The following SYCP2 variants were observed in gnomAD, a reference collection of about 807,000 sequenced individuals.
The protein encoded by SYCP2 is synaptonemal complex protein 2.
SYCP2 carries 55 observed loss-of-function variants against 211.3 expected under a neutral mutation model. The observed-to-expected ratio is 0.26, with a 90% CI of 0.21 to 0.33. The LOEUF is 0.33. SYCP2 is among the 10% of genes least tolerant of loss of function. The pLI, the probability that SYCP2 is intolerant of heterozygous loss-of-function variation, is 1.00. For synonymous variants in SYCP2, 570 were observed against 555.2 expected (o/e 1.03, Z -0.37); for missense variants, 1,731 against 1,752.0 (o/e 0.99, Z 0.21).
intron 42 of SYCP2, 72 bp from the exon 43 acceptor site, chr20:59,865,723 TATA>T (rs2059318830): frequency 9.3e-7 from 1 of 1,071,082 alleles, no homozygotes; most frequent in Admixed American, 3.0e-5. Flanking sequence ...ATATAGTATA[TATA>T]ATTTTAATTT....
At chr20:59,894,294 C>T (rs1248444470) in intron 20 of SYCP2, among the ~76,000 whole-genome samples, 1 of 151,954 alleles carries the variant, frequency 6.6e-6, no homozygotes, top group African/African-American at 2.4e-5. Flanking sequence ...GTCACAATGA[C>T]AGAGGGGTTC....
chr20:59,916,377 T>C (rs1292792006), intron 8 of SYCP2, 109 bp downstream of exon 8: 1 of 655,962 alleles, frequency 1.5e-6, no homozygotes, highest in Non-Finnish European at 2.7e-6. Context: ...AGAAATATAC[T>C]CCAAGCTAAG....
chr20:59,893,287 T>A (rs1470552146), intron 21 of SYCP2, 88 bp from the exon 22 acceptor site: 1 of 925,034 alleles, frequency 1.1e-6, no homozygotes, highest in East Asian at 2.6e-5. Context: ...CTATAAAGGT[T>A]CACATATTGG....
chr20:59,899,274 CA>C (rs1003607473), intron 18 of SYCP2, among the ~76,000 whole-genome samples: 7 of 150,840 alleles, frequency 4.6e-5, no homozygotes, highest in East Asian at 1.9e-4. Context: ...AGCATATTGC[CA>C]AAAAAAATGA....
chr20:59,883,766 A>G (rs2059732290), intron 26 of SYCP2, among the ~76,000 whole-genome samples: 1 of 152,082 alleles, frequency 6.6e-6, no homozygotes, highest in Non-Finnish European at 1.5e-5. Context: ...GAATAAGTCT[A>G]GAGATATAAT....
At chr20:59,864,637 T>A (rs1404510942) in intron 44 of SYCP2, among the ~76,000 whole-genome samples, 1 of 151,988 alleles carries the variant, frequency 6.6e-6, no homozygotes, top group Non-Finnish European at 1.5e-5. Context: ...AAATTTAGAT[T>A]CAATTTTTAA....
chr20:59,899,953 T>C, intron 18 of SYCP2, 185 bp downstream of exon 18: 1 of 637,292 alleles, frequency 1.6e-6, no homozygotes, highest in Non-Finnish European at 2.7e-6. Flanking sequence ...CCTATACATG[T>C]ACACAATTTG....
chr20:59,896,505 T>C lies in SYCP2; in HGVS notation c.1428A>G (p.Lys476=). ...QLEKTTPSKR[K]MSEASMIVSG... is the part of the protein sequence containing the mutation. ...AAACAATCATTGATGCTTCAGACAT[T>C]TTTCTTTTGCTAGGAGTAGTTTTCT... The change falls in exon 19 of 45, where the codon AAA becomes AAG. Residue 476 remains lysine, a synonymous_variant. Transcript: ENST00000357552. The C allele has an allele frequency of 1.2e-6, 2 of 1,609,714 alleles. No homozygotes were observed. Among genetic ancestry groups the C allele is most frequent in the Non-Finnish European group, 1.7e-6 (2 of 1,177,096 alleles).
Position 59,919,603 on chromosome 20 carries a change from A to C in SYCP2, c.298-6T>G, listed in dbSNP as rs771474557. 1 of 1,558,956 alleles carries C rather than the reference A, an allele frequency of 6.4e-7. No homozygotes were observed. The highest frequency in any genetic ancestry group is 1.7e-5 in the Admixed American group (1 of 57,834). On this transcript the variant is annotated splice_polypyrimidine_tract_variant and splice_region_variant and intron_variant, in intron 5 of 44. Coordinates refer to ENST00000357552, the MANE Select transcript of SYCP2 (RefSeq NM_014258.4). ...TTTTCAAACCAGGCAACCATGTAAA[A>C]AAAGGAATGAACTTATTAGAGTTCC...
chr20:59,917,569 GACT>G (rs956419909), intron 7 of SYCP2, among the ~76,000 whole-genome samples: 4 of 152,110 alleles, frequency 2.6e-5, no homozygotes, highest in African/African-American at 9.7e-5. Context: ...TAAAAATTTA[GACT>G]ACATTGTTAT....
chr20:59,864,000 T>C lies in SYCP2; in HGVS notation c.*311A>G, dbSNP rs1164580204. ...ACACATTTTATGTAATAATACATTT[T>C]ACACAATAAAATTTAATTTATTAAA... On this transcript the variant is annotated 3_prime_UTR_variant, in exon 45 of 45. Coordinates refer to ENST00000357552, the MANE Select transcript of SYCP2 (RefSeq NM_014258.4). The C allele has an allele frequency of 4.7e-5, 8 of 171,314 alleles. No individual in the cohort carries two copies. In the Admixed American group the frequency reaches 5.0e-4, roughly 11 times the overall value. 10.6% of individuals were successfully genotyped at this position (171,314 alleles called of 1,614,324 possible).
At chr20:59,891,473 T>C (rs558785119) in intron 24 of SYCP2, among the ~76,000 whole-genome samples, 3 of 151,934 alleles carry the variant, frequency 2.0e-5, no homozygotes, top group South Asian at 2.1e-4. Flanking sequence ...ACAGTTACAA[T>C]AGAAGACAGT....
Position 59,873,902 on chromosome 20 carries a change from A to G in SYCP2, c.3509T>C (p.Leu1170Pro). Reference protein sequence around the residue: ...KSPKNNEKNFLCASESCSPIP... With the variant: ...KSPKNNEKNFPCASESCSPIP... The stretch of plus-strand genomic sequence containing the variant: ...TGGTGAACAACTTTCACTTGCACAC[A>G]GGAAGTTTTTCTCATTGTTTTTGGG... Residue 1170 changes from leucine to proline, a missense_variant, in exon 35 of 45, where the codon CTG becomes CCG. Coordinates refer to ENST00000357552, the MANE Select transcript of SYCP2 (RefSeq NM_014258.4). The G allele has an allele frequency of 6.2e-7, 1 of 1,613,334 alleles. No individual in the cohort carries two copies.
rs2059695795 is a variant in SYCP2, at chr20:59,882,153, T to C, written c.2542A>G (p.Lys848Glu). ...VVQLSKEKVQKKSYRKLKTTF... is the reference protein window; with the variant it reads ...VVQLSKEKVQEKSYRKLKTTF... The stretch of plus-strand genomic sequence containing the variant: ...GTCTTCAGTTTTCTGTAGCTTTTTT[T>C]CTGAACTTTTTCCTGAAAAGAGGGT... Residue 848 changes from lysine to glutamate, a missense_variant, in exon 27 of 45, where the codon AAA becomes GAA. Coordinates refer to ENST00000357552, the MANE Select transcript of SYCP2 (RefSeq NM_014258.4). 13 of 1,611,860 alleles carry C rather than the reference T, an allele frequency of 8.1e-6. No individual in the cohort carries two copies. The highest frequency in any genetic ancestry group is 1.3e-5 in the African/African-American group (1 of 74,840).
At chr20:59,896,567 CT>C in intron 18 of SYCP2, 39 bp from the exon 19 acceptor site, 1 of 1,074,024 alleles carries the variant, frequency 9.3e-7, no homozygotes, top group Non-Finnish European at 1.4e-6. Flanking sequence ...TAAACACAGT[CT>C]TTTTGAAATT....
chr20:59,881,582 C>CA (rs1244651317), intron 28 of SYCP2, 90 bp from the exon 29 acceptor site: 91 of 634,652 alleles, frequency 1.4e-4, no homozygotes, highest in Non-Finnish European at 2.2e-4. Flanking sequence ...TTTTGCTTCA[C>CA]AAAATCATAA....
At chr20:59,919,092 T>C in intron 7 of SYCP2, 66 bp downstream of exon 7, 1 of 890,188 alleles carries the variant, frequency 1.1e-6, no homozygotes, top group Non-Finnish European at 1.8e-6. Context: ...ATGGGAATTG[T>C]AAAATTATAC....
intron 15 of SYCP2, among the ~76,000 whole-genome samples, chr20:59,906,280 TACTG>T (rs908225860): frequency 3.9e-5 from 6 of 152,238 alleles, no homozygotes; most frequent in Admixed American, 1.3e-4. Context: ...GGAAGACTTA[TACTG>T]ACTGACTTCA....
At chr20:59,877,706 T>C in intron 32 of SYCP2, 151 bp from the exon 33 acceptor site, 2 of 729,576 alleles carry the variant, frequency 2.7e-6, no homozygotes, top group African/African-American at 1.8e-5. Flanking sequence ...ATGGATTTTA[T>C]CTTCCCATTC....
Sources: gnomAD v4.1 joint callset for allele counts (sites outside exome capture counted in the v4.1 genomes callset) on GRCh38, gnomAD v4.1.1 for gene constraint, MANE v1.5 for transcripts, NCBI Gene and HGNC (gene_info 2026-07-23, HGNC 2026-07-21) for gene names.